TRPM3: variants seen among roughly 807,000 people sequenced by gnomAD.
TRPM3 encodes the protein long transient receptor potential channel 3.
Under a neutral mutation model 181.2 loss-of-function variants are expected in TRPM3, and 77 were observed. The ratio of observed to expected loss-of-function variants is 0.42; its 90% CI spans 0.35 to 0.51. The LOEUF (loss-of-function observed/expected upper bound fraction) is 0.51, where lower values mean the gene tolerates loss of function less well. Ranked by LOEUF, TRPM3 falls within the 20% of genes least tolerant of loss-of-function variation. TRPM3 has a pLI of 0.01. For missense variants in TRPM3, 1,759 were observed against 2,196.7 expected, an observed-to-expected ratio of 0.80 and a Z score of 3.98; for synonymous variants, 745 against 796.4, an observed-to-expected ratio of 0.94 and a Z score of 1.09.
chr9:71,397,550 G>T (rs534137528), intron 1 of TRPM3, among the ~76,000 whole-genome samples: 1 of 152,106 alleles, frequency 6.6e-6, no homozygotes, highest in Non-Finnish European at 1.5e-5. Context: ...GGAAGAGTTG[G>T]AACTTTTTCA....
At chr9:71,156,581 C>T (rs558412876) in intron 1 of TRPM3, among the ~76,000 whole-genome samples, 2 of 152,062 alleles carry the variant, frequency 1.3e-5, no homozygotes, top group African/African-American at 4.8e-5. Flanking sequence ...TAAATGAGAA[C>T]GACTGATTGT....
intron 4 of TRPM3, among the ~76,000 whole-genome samples, chr9:70,844,498 A>G (rs868247051): frequency 6.6e-6 from 1 of 152,204 alleles, no homozygotes; most frequent in Non-Finnish European, 1.5e-5. Flanking sequence ...AACTCCCCCA[A>G]AAAAGGCTGT....
At position 71,022,835 on chromosome 9, in the gene TRPM3, T is replaced by TA. The variant is rs573698647; in HGVS notation, c.177+98342dup. 2.5e-3 allele frequency among the ~76,000 whole-genome samples: 378 copies of TA among 151,762 alleles called. 3 individuals are homozygous for TA. Among genetic ancestry groups the TA allele is most frequent in the African/African-American group, 8.4e-3 (348 of 41,378 alleles). ...ATGTATCCCAGAACTTAAAGTATAA[T>TA]AAAAAAATAAATAAAATAAAATGGA... On this transcript the variant is annotated intron_variant, in intron 1 of 25. Coordinates refer to ENST00000677713, the MANE Select transcript of TRPM3 (RefSeq NM_001366145.2).
intron 1 of TRPM3, among the ~76,000 whole-genome samples, chr9:71,027,710 A>C (rs573898301): frequency 6.6e-6 from 1 of 152,290 alleles, no homozygotes; most frequent in South Asian, 2.1e-4. Flanking sequence ...TGAGGAAAAA[A>C]TCTCAGAGCC....
chr9:70,769,228 C>T (rs1481083709), intron 7 of TRPM3, among the ~76,000 whole-genome samples: 1 of 152,176 alleles, frequency 6.6e-6, no homozygotes, highest in African/African-American at 2.4e-5. Flanking sequence ...AGGCTCATCT[C>T]CTGCCACTCT....
chr9:70,680,729 A>G (rs770088149), intron 9 of TRPM3, among the ~76,000 whole-genome samples: 2 of 152,190 alleles, frequency 1.3e-5, no homozygotes, highest in Non-Finnish European at 2.9e-5. Flanking sequence ...TTATAGTTCT[A>G]GTTTGAATTT....
intron 1 of TRPM3, among the ~76,000 whole-genome samples, chr9:71,157,896 T>C (rs968074522): frequency 2.6e-5 from 4 of 152,090 alleles, no homozygotes; most frequent in African/African-American, 9.7e-5. Context: ...TTGTTGAAAC[T>C]GAAATAATTA....
At chr9:70,862,778 G>T (rs2132400300) in intron 3 of TRPM3, 130 bp downstream of exon 3, 1 of 872,028 alleles carries the variant, frequency 1.1e-6, no homozygotes, top group South Asian at 1.6e-5. Flanking sequence ...ACTCAGAGCA[G>T]GTCACCTCAT....
At chr9:70,770,516 C>A (rs1265704418) in intron 7 of TRPM3, among the ~76,000 whole-genome samples, 1 of 152,116 alleles carries the variant, frequency 6.6e-6, no homozygotes, top group Non-Finnish European at 1.5e-5. Context: ...CAACTAGTTC[C>A]AAGTCATACA....
At chr9:70,857,253 A>G (rs759499990) in intron 3 of TRPM3, among the ~76,000 whole-genome samples, 5 of 152,034 alleles carry the variant, frequency 3.3e-5, no homozygotes, top group Non-Finnish European at 7.4e-5. Context: ...ACTTAACAGG[A>G]AGTCAGAATC....
At chr9:70,744,350 A>T (rs1004561960) in intron 8 of TRPM3, among the ~76,000 whole-genome samples, 25 of 151,708 alleles carry the variant, frequency 1.6e-4, no homozygotes, top group African/African-American at 5.3e-4. Context: ...AAGTAAAAAG[A>T]AAAAAGAGAA....
At chr9:70,796,309 G>C (rs757439045) in intron 6 of TRPM3, among the ~76,000 whole-genome samples, 10 of 152,210 alleles carry the variant, frequency 6.6e-5, no homozygotes, top group Non-Finnish European at 1.5e-4. Flanking sequence ...GAGCTAGGCA[G>C]GAAGGTGGAT....
intron 3 of TRPM3, among the ~76,000 whole-genome samples, chr9:70,860,319 A>G (rs2095490358): frequency 6.6e-6 from 1 of 152,162 alleles, no homozygotes. Flanking sequence ...TGACTTCAAG[A>G]TCATGCATCT....
At chr9:70,879,207 A>G (rs990778234) in intron 1 of TRPM3, among the ~76,000 whole-genome samples, 2 of 152,228 alleles carry the variant, frequency 1.3e-5, no homozygotes, top group Middle Eastern at 3.4e-3. Context: ...GTAAATACAC[A>G]TGCCAGGCAT....
chr9:70,996,843 C>T (rs960140835), intron 1 of TRPM3, among the ~76,000 whole-genome samples: 3 of 152,322 alleles, frequency 2.0e-5, no homozygotes, highest in African/African-American at 7.2e-5. Flanking sequence ...TCTTATTTGG[C>T]TCCTATGAAC....
intron 1 of TRPM3, among the ~76,000 whole-genome samples, chr9:71,176,836 A>T (rs1298065242): frequency 6.6e-6 from 1 of 152,138 alleles, no homozygotes; most frequent in African/African-American, 2.4e-5. Flanking sequence ...GTTGTGTTAC[A>T]GTTGCCTACA....
At chr9:71,367,983 CAT>C (rs2092391258) in intron 1 of TRPM3, among the ~76,000 whole-genome samples, 1 of 126,762 alleles carries the variant, frequency 7.9e-6, no homozygotes, top group Non-Finnish European at 1.8e-5. Flanking sequence ...TATATATGCA[CAT>C]ATATGTGCAC....
At chr9:70,914,635 C>G (rs77088343) in intron 1 of TRPM3, among the ~76,000 whole-genome samples, 3 of 152,134 alleles carry the variant, frequency 2.0e-5, no homozygotes, top group African/African-American at 7.2e-5. Flanking sequence ...TTACAGCAGG[C>G]CTTGAGTGAG....
intron 1 of TRPM3, among the ~76,000 whole-genome samples, chr9:70,986,485 T>G (rs2097422988): frequency 6.6e-6 from 1 of 152,196 alleles, no homozygotes; most frequent in Admixed American, 6.5e-5. Context: ...AATTCAGAAT[T>G]GTATGATGCT....
Sources: gnomAD v4.1 joint callset for allele counts (sites outside exome capture counted in the v4.1 genomes callset) on GRCh38, gnomAD v4.1.1 for gene constraint, MANE v1.5 for transcripts, NCBI Gene and HGNC (gene_info 2026-07-23, HGNC 2026-07-21) for gene names.